The following TM9SF2 variants were observed in gnomAD, a reference collection of about 807,000 sequenced individuals.
TM9SF2 encodes the protein transmembrane 9 superfamily member 2.
A neutral mutation model predicts 84.9 loss-of-function variants in TM9SF2; 13 were observed. The ratio of observed to expected loss-of-function variants is 0.15; its 90% CI spans 0.10 to 0.24. TM9SF2 has a LOEUF of 0.24. TM9SF2 is among the 10% of genes least tolerant of loss of function. The probability of loss-of-function intolerance (pLI) is 1.00; values close to 1 mark genes in which losing one functional copy is unlikely to be tolerated. For synonymous variants in TM9SF2, 273 were observed against 285.8 expected, an observed-to-expected ratio of 0.96 and a Z score of 0.45; for missense variants, 562 against 818.5, an observed-to-expected ratio of 0.69 and a Z score of 3.82.
chr13:99,559,789 C>T (rs1425431649), intron 16 of TM9SF2, among the ~76,000 whole-genome samples: 1 of 150,284 alleles, frequency 6.7e-6, no homozygotes, highest in South Asian at 2.1e-4. Flanking sequence ...CAGTACAGCT[C>T]ATGGTTTTCG....
chr13:99,552,008 A>T (rs2139108425), intron 12 of TM9SF2, among the ~76,000 whole-genome samples, 159 bp from the exon 13 acceptor site: 1 of 152,376 alleles, frequency 6.6e-6, no homozygotes, highest in South Asian at 2.1e-4. Context: ...GCAATTGGGT[A>T]GTTTCTAGTC....
At chr13:99,503,709 CAA>C (rs386380419) in intron 1 of TM9SF2, among the ~76,000 whole-genome samples, 85 of 78,482 alleles carry the variant, frequency 1.1e-3, no homozygotes, top group Middle Eastern at 6.4e-3. Context: ...GACTTTGTCT[CAA>C]AAAAAAAAAA....
intron 12 of TM9SF2, among the ~76,000 whole-genome samples, chr13:99,550,239 A>G (rs953065694): frequency 3.3e-4 from 50 of 152,110 alleles, no homozygotes; most frequent in Admixed American, 2.8e-3. Context: ...TTCCCTTCTT[A>G]TTTCCATCTC....
intron 1 of TM9SF2, among the ~76,000 whole-genome samples, chr13:99,513,908 A>G (rs2139073999): frequency 8.9e-6 from 1 of 111,926 alleles, no homozygotes; most frequent in South Asian, 2.7e-4. Context: ...TGTCCTGTAA[A>G]GCCTAAGACA....
chr13:99,559,603 T>A (rs2139115008), intron 16 of TM9SF2, 69 bp downstream of exon 16: 1 of 1,412,794 alleles, frequency 7.1e-7, no homozygotes, highest in East Asian at 2.5e-5. Context: ...TAAATGTTTG[T>A]CTTTTTTAAA....
chr13:99,502,997 A>G lies in TM9SF2; in HGVS notation c.171+1220A>G, dbSNP rs550650503. ...TGCAAAACCTTGTATCTGAAAAAAT[A>G]TCTAAGGATATTTAAGGTTTACTCA... is the stretch of plus-strand genomic sequence containing the variant. On this transcript the variant is annotated intron_variant, in intron 1 of 16. Coordinates refer to ENST00000376387, the MANE Select transcript of TM9SF2 (RefSeq NM_004800.3). Among the ~76,000 whole-genome samples the G allele has an allele frequency of 1.6e-3, 241 of 152,366 alleles. 1 individual carries two copies. Among genetic ancestry groups the G allele is most frequent in the African/African-American group, 5.6e-3 (234 of 41,580 alleles).
At chr13:99,509,042 A>G (rs994823027) in intron 1 of TM9SF2, among the ~76,000 whole-genome samples, 3 of 152,218 alleles carry the variant, frequency 2.0e-5, no homozygotes, top group African/African-American at 7.2e-5. Context: ...CTCATTTGAG[A>G]CAAGGAAAGT....
intron 12 of TM9SF2, 130 bp downstream of exon 12, chr13:99,549,352 A>G: frequency 1.5e-6 from 1 of 664,292 alleles, no homozygotes; most frequent in Non-Finnish European, 2.6e-6. Flanking sequence ...AATTTTTGAA[A>G]AGGGGTAAAA....
chr13:99,507,065 C>T (rs762592227), intron 1 of TM9SF2, among the ~76,000 whole-genome samples: 10 of 152,152 alleles, frequency 6.6e-5, no homozygotes, highest in African/African-American at 9.7e-5. Context: ...GTAAAGACTA[C>T]GATTTGTGTG....
chr13:99,522,231 A>G (rs2046164028), intron 3 of TM9SF2, among the ~76,000 whole-genome samples: 1 of 152,128 alleles, frequency 6.6e-6, no homozygotes, highest in Admixed American at 6.6e-5. Flanking sequence ...AAGTTGGCCA[A>G]GCTAGTCTCA....
Position 99,543,959 on chromosome 13 carries a change from G to A in TM9SF2, c.1114G>A (p.Gly372Arg). Residue 372 changes from glycine to arginine, a missense_variant, in exon 10 of 17, where the codon GGG becomes AGG. Transcript: ENST00000376387. ...GMLLSVFLGS[G>R]TQILIMTFVT... ...GCTGCTATCAGTCTTTCTAGGATCCGGGACACAGATTTTAATTATGACCTT... is the reference window on the plus strand; with the variant it reads ...GCTGCTATCAGTCTTTCTAGGATCCAGGACACAGATTTTAATTATGACCTT... 1 of 1,613,982 alleles carries A rather than the reference G, an allele frequency of 6.2e-7. No individual in the cohort carries two copies.
chr13:99,508,444 C>CACACACACACACACACACACACACA (rs1555339315), intron 1 of TM9SF2, among the ~76,000 whole-genome samples: 1 of 143,512 alleles, frequency 7.0e-6, no homozygotes, highest in African/African-American at 2.6e-5. Context: ...CACACACACA[C>CACACACACACACACACACACACACA]CCCAGAGATT....
At chr13:99,530,806 G>A (rs1427337465) in intron 4 of TM9SF2, among the ~76,000 whole-genome samples, 1 of 151,986 alleles carries the variant, frequency 6.6e-6, no homozygotes, top group African/African-American at 2.4e-5. Context: ...ATTTAAAACT[G>A]TCCTGTTTTT....
chr13:99,551,182 T>A (rs1041342583), intron 12 of TM9SF2, among the ~76,000 whole-genome samples: 3 of 152,202 alleles, frequency 2.0e-5, no homozygotes, highest in Non-Finnish European at 4.4e-5. Context: ...TCTCAAAGTA[T>A]GCACAATCCA....
At chr13:99,543,047 G>A (rs1594057629) in intron 9 of TM9SF2, among the ~76,000 whole-genome samples, 1 of 152,204 alleles carries the variant, frequency 6.6e-6, no homozygotes, top group South Asian at 2.1e-4. Context: ...CTACCTTGCT[G>A]TTCCTCAGAC....
chr13:99,536,851 T>A, intron 5 of TM9SF2, 114 bp downstream of exon 5: 8 of 1,170,384 alleles, frequency 6.8e-6, no homozygotes. Flanking sequence ...GTTCAGATGT[T>A]CTGAAGTACA....
At chr13:99,513,820 T>C (rs1441015579) in intron 1 of TM9SF2, among the ~76,000 whole-genome samples, 1 of 152,244 alleles carries the variant, frequency 6.6e-6, no homozygotes, top group Non-Finnish European at 1.5e-5. Context: ...GTGAAAGTTT[T>C]ATTGGGCTAC....
Position 99,529,613 on chromosome 13 carries a change from C to T in TM9SF2, c.461+19C>T, listed in dbSNP as rs202246403. 633 of 1,513,318 alleles carry T rather than the reference C, an allele frequency of 4.2e-4. 6 individuals carry two copies. In the South Asian group the frequency reaches 6.6e-3, roughly 16 times the overall value. 93.7% of individuals were successfully genotyped at this position (1,513,318 alleles called of 1,614,324 possible). On this transcript the variant is annotated intron_variant, in intron 4 of 16. Coordinates refer to ENST00000376387, the MANE Select transcript of TM9SF2 (RefSeq NM_004800.3). ...ATCACTGGTAAGGCATGAATATTTTCGATTTTGGGGTTTATCCTTTCCATA... is the reference window on the plus strand; with the variant it reads ...ATCACTGGTAAGGCATGAATATTTTTGATTTTGGGGTTTATCCTTTCCATA...
At chr13:99,505,575 T>C (rs1446837204) in intron 1 of TM9SF2, among the ~76,000 whole-genome samples, 1 of 152,250 alleles carries the variant, frequency 6.6e-6, no homozygotes, top group Non-Finnish European at 1.5e-5. Flanking sequence ...GATTGAGCTA[T>C]GGTATTCCTT....
Sources: allele counts gnomAD v4.1 joint callset (sites outside exome capture counted in the v4.1 genomes callset), GRCh38; gene constraint gnomAD v4.1.1; transcripts MANE v1.5; gene names NCBI Gene and HGNC (gene_info 2026-07-23, HGNC 2026-07-21).